Variants in RACGAP1 observed in about 807,000 individuals in gnomAD.
RACGAP1 encodes rac GTPase-activating protein 1.
Under a neutral mutation model 78.1 loss-of-function variants are expected in RACGAP1, and 30 were observed. The ratio of observed to expected loss-of-function variants is 0.38; its 90% CI spans 0.29 to 0.52. The LOEUF is 0.52. Among genes scored for constraint, RACGAP1 ranks in the 20% least tolerant of loss-of-function variants. The pLI is 0.82. For missense variants in RACGAP1, 587 were observed against 777.1 expected, an observed-to-expected ratio of 0.76 and a Z score of 2.91; for synonymous variants, 231 against 264.8, an observed-to-expected ratio of 0.87 and a Z score of 1.24.
At position 49,999,175 on chromosome 12, in the gene RACGAP1, C is replaced by T. The variant is rs778382374; in HGVS notation, c.845G>A (p.Gly282Glu). 6.2e-7 allele frequency: 1 copy of T among 1,612,814 alleles called. No homozygotes were observed. Among genetic ancestry groups the T allele is most frequent in the Non-Finnish European group, 8.5e-7 (1 of 1,179,700 alleles). The part of the protein sequence containing the change: ...TDSVGTPQSN[G>E]GMRLHDFVSK... Reference sequence around the variant, plus strand: ...AACAAAGTCATGCAGGCGCATCCCTCCATTACTCTGTGGCGTGCCCACACT... The same window carrying T: ...AACAAAGTCATGCAGGCGCATCCCTTCATTACTCTGTGGCGTGCCCACACT... Residue 282 changes from glycine (G) to glutamate (E), a missense_variant, in exon 9 of 17, where the codon GGA becomes GAA. Coordinates refer to ENST00000312377, the MANE Select transcript of RACGAP1 (RefSeq NM_001319999.2).
intron 1 of RACGAP1, among the ~76,000 whole-genome samples, chr12:50,020,777 A>T (rs914263818): frequency 1.3e-5 from 2 of 152,172 alleles, no homozygotes; most frequent in Non-Finnish European, 2.9e-5. Flanking sequence ...AAACAGCAAA[A>T]TTTGGCCAGG....
chr12:49,997,727 G>A lies in RACGAP1; in HGVS notation c.880-523C>T, dbSNP rs183554598. Among the ~76,000 whole-genome samples the A allele has an allele frequency of 6.5e-4, 99 of 151,956 alleles. 2 individuals are homozygous for A. Among genetic ancestry groups the A allele is most frequent in the Admixed American group, 5.9e-4 (9 of 15,260 alleles). On this transcript the variant is annotated intron_variant, in intron 9 of 16. Coordinates refer to ENST00000312377, the MANE Select transcript of RACGAP1 (RefSeq NM_001319999.2). The stretch of plus-strand genomic sequence containing the variant: ...CAAGTAGCTGGGATTACAGGCATGC[G>A]CCACCACGCCCGGCTAATTTTTATA...
At chr12:50,023,468 T>A (rs1307013947) in intron 1 of RACGAP1, among the ~76,000 whole-genome samples, 1 of 152,134 alleles carries the variant, frequency 6.6e-6, no homozygotes, top group Non-Finnish European at 1.5e-5. Flanking sequence ...GCATGGTGGC[T>A]GACGCCTCTA....
chr12:50,005,181 A>G (rs546723062), intron 4 of RACGAP1, 75 bp downstream of exon 4: 1 of 1,584,946 alleles, frequency 6.3e-7, no homozygotes, highest in East Asian at 2.2e-5. Flanking sequence ...AAGTATATTT[A>G]AGAATTCAGA....
At chr12:50,016,790 A>T (rs766654808) in intron 1 of RACGAP1, 71 bp from the exon 2 acceptor site, 36 of 1,514,082 alleles carry the variant, frequency 2.4e-5, no homozygotes, top group Non-Finnish European at 3.0e-5. Context: ...ATAGCAATCC[A>T]GCCATTAGTG....
chr12:49,994,883 A>AT (rs910015704), intron 10 of RACGAP1, among the ~76,000 whole-genome samples: 16 of 151,918 alleles, frequency 1.1e-4, no homozygotes, highest in African/African-American at 3.4e-4. Context: ...CTCTAAACAG[A>AT]TTTTTTTTTC....
intron 15 of RACGAP1, among the ~76,000 whole-genome samples, chr12:49,991,479 A>ATTT (rs1197357619): frequency 3.7e-4 from 9 of 24,090 alleles, no homozygotes; most frequent in African/African-American, 1.1e-3. Context: ...ATATATATAT[A>ATTT]TTTTTTTTTT....
Position 49,999,131 on chromosome 12 carries a change from A to T in RACGAP1, c.879+10T>A, listed in dbSNP as rs1435664718. 1 of 1,574,634 alleles carries T rather than the reference A, an allele frequency of 6.4e-7. No homozygotes were observed. Among genetic ancestry groups the T allele is most frequent in the Non-Finnish European group, 8.6e-7 (1 of 1,164,780 alleles). On this transcript the variant is annotated intron_variant, in intron 9 of 16. Transcript: ENST00000312377. ...AAAAATTAAAACACAAACAACAATCACAGATTTACCGTCTTAGAAACAAAG... is the reference window on the plus strand; with the variant it reads ...AAAAATTAAAACACAAACAACAATCTCAGATTTACCGTCTTAGAAACAAAG...
upstream of RACGAP1, among the ~76,000 whole-genome samples, chr12:50,029,084 C>T (rs1364877825): frequency 1.3e-5 from 2 of 151,508 alleles, no homozygotes; most frequent in African/African-American, 4.9e-5. Flanking sequence ...GGCGTGGCGG[C>T]GTGCGCCTGT....
upstream of RACGAP1, chr12:50,025,550 T>TCCCTC (rs1950244319): frequency 1.1e-5 from 11 of 985,260 alleles, no homozygotes; most frequent in South Asian, 5.2e-4. Context: ...CTCTACGGTG[T>TCCCTC]GACGTACGCG....
chr12:50,016,806 C>A (rs189382540), intron 1 of RACGAP1, 87 bp from the exon 2 acceptor site: 21 of 1,431,468 alleles, frequency 1.5e-5, no homozygotes, highest in Non-Finnish European at 2.0e-5. Flanking sequence ...TAGTGACCAA[C>A]ATCTGGACTC....
chr12:50,006,499 C>T lies in RACGAP1; in HGVS notation c.223G>A (p.Ala75Thr), dbSNP rs1948984842. Residue 75 changes from alanine (A) to threonine (T), a missense_variant, in exon 3 of 17, where the codon GCA becomes ACA. Transcript: ENST00000312377. ...ATCTCTACATCCACCTGATTACGTG[C>T]ATGCTTCAGCTTAACATCCAGAGCA... ...RSALDVKLKH[A>T]RNQVDVEIKR... 2.5e-6 allele frequency: 4 copies of T among 1,614,090 alleles called. No homozygotes were observed. The Admixed American group carries it at 5.0e-5, about 20-fold the overall frequency.
At chr12:49,991,479 A>ATATATATATATATATATATATATTTT (rs1555169074) in intron 15 of RACGAP1, among the ~76,000 whole-genome samples, 2 of 24,094 alleles carry the variant, frequency 8.3e-5, no homozygotes, top group Non-Finnish European at 1.7e-4. Context: ...ATATATATAT[A>ATATATATATATATATATATATATTTT]TTTTTTTTTT....
At chr12:49,996,668 A>AAAAAAAAAAAT (rs1948302735) in intron 10 of RACGAP1, among the ~76,000 whole-genome samples, 5 of 129,286 alleles carry the variant, frequency 3.9e-5, no homozygotes, top group African/African-American at 1.5e-4. Context: ...AAAAAAAAAA[A>AAAAAAAAAAAT]TGGACACAAG....
upstream of RACGAP1, among the ~76,000 whole-genome samples, chr12:50,028,396 CT>C (rs1950300002): frequency 2.0e-5 from 3 of 152,200 alleles, no homozygotes; most frequent in African/African-American, 7.2e-5. Context: ...TGTCACTACC[CT>C]TGTCCAATCT....
chr12:49,990,160 C>G lies in RACGAP1; in HGVS notation c.*108G>C. ...TGCACAATTAAACTTGAGTAAAAGC[C>G]TGGAGAATGCTAAAAGTAGTAATGA... On this transcript the variant is annotated 3_prime_UTR_variant, in exon 17 of 17. Coordinates refer to ENST00000312377, the MANE Select transcript of RACGAP1 (RefSeq NM_001319999.2). 1 of 885,962 alleles carries G rather than the reference C, an allele frequency of 1.1e-6. No individual in the cohort carries two copies. Among genetic ancestry groups the G allele is most frequent in the African/African-American group, 1.7e-5 (1 of 60,270 alleles). The allele number at this position is 885,962 out of a possible 1,614,324, so 54.9% of individuals were successfully genotyped here.
chr12:50,009,356 G>A (rs1037884946), intron 2 of RACGAP1, among the ~76,000 whole-genome samples: 1 of 151,972 alleles, frequency 6.6e-6, no homozygotes, highest in Non-Finnish European at 1.5e-5. Flanking sequence ...GAAAGAGAAG[G>A]GAAATTTCCT....
At chr12:50,014,890 A>C (rs1937008123) in intron 2 of RACGAP1, among the ~76,000 whole-genome samples, 1 of 151,950 alleles carries the variant, frequency 6.6e-6, no homozygotes, top group African/African-American at 2.4e-5. Flanking sequence ...TAAAAATACA[A>C]AAATTAGCCG....
chr12:50,024,731 AC>A (rs1950190748), intron 1 of RACGAP1, among the ~76,000 whole-genome samples: 1 of 152,040 alleles, frequency 6.6e-6, no homozygotes, highest in Non-Finnish European at 1.5e-5. Flanking sequence ...CCTTCTCTAA[AC>A]ACCTACAATA....
Sources: gnomAD v4.1 joint callset for allele counts (sites outside exome capture counted in the v4.1 genomes callset) on GRCh38, gnomAD v4.1.1 for gene constraint, MANE v1.5 for transcripts, NCBI Gene and HGNC (gene_info 2026-07-23, HGNC 2026-07-21) for gene names.